Variants in CNTN5 observed in about 807,000 individuals in gnomAD.
The protein encoded by CNTN5 is contactin-5.
CNTN5 carries 77 observed loss-of-function variants against 129.1 expected under a neutral mutation model. The observed-to-expected ratio is 0.60, with a 90% CI of 0.50 to 0.72. The LOEUF (loss-of-function observed/expected upper bound fraction) is 0.72. CNTN5 is among the 30% of genes least tolerant of loss of function. The pLI is 0.00. For missense variants in CNTN5, 1,478 were observed against 1,328.8 expected (o/e 1.11, Z -1.75); for synonymous variants, 509 against 465.6 (o/e 1.09, Z -1.20).
chr11:99,654,766 TAGA>T (rs1210817948), intron 3 of CNTN5, among the ~76,000 whole-genome samples: 4 of 152,106 alleles, frequency 2.6e-5, no homozygotes, highest in Admixed American at 1.3e-4. Flanking sequence ...AAACAAATCT[TAGA>T]AGATGTATTG....
At chr11:99,230,517 A>T (rs564722519) in intron 1 of CNTN5, among the ~76,000 whole-genome samples, 1 of 152,310 alleles carries the variant, frequency 6.6e-6, no homozygotes, top group Non-Finnish European at 1.5e-5. Context: ...GAAGAGCTTT[A>T]GGAAGAAGCA....
intron 1 of CNTN5, among the ~76,000 whole-genome samples, chr11:99,083,611 C>G (rs1489206951): frequency 6.6e-6 from 1 of 151,892 alleles, no homozygotes; most frequent in Non-Finnish European, 1.5e-5. Flanking sequence ...AAAAGTATAA[C>G]TTTTATGTGG....
intron 10 of CNTN5, among the ~76,000 whole-genome samples, chr11:100,068,969 A>C (rs564754235): frequency 1.3e-5 from 2 of 152,254 alleles, no homozygotes; most frequent in Admixed American, 1.3e-4. Context: ...TTGAAGGATG[A>C]ATGTTACAGG....
At position 100,077,879 on chromosome 11, in the gene CNTN5, AC is replaced by A. The variant is rs150781395; in HGVS notation, c.1580+3586del. On this transcript the variant is annotated intron_variant, in intron 13 of 24. Coordinates refer to ENST00000524871, the MANE Select transcript of CNTN5 (RefSeq NM_014361.4). The stretch of plus-strand genomic sequence containing the variant: ...AGATCAAAAAGAAATATTTAAAAAA[AC>A]AAAATACGTCAATTGCTTTCATAGC... Among the ~76,000 whole-genome samples, 994 of 152,170 alleles carry A rather than the reference AC, an allele frequency of 6.5e-3. 15 individuals carry two copies. The highest frequency in any genetic ancestry group is 0.023 in the African/African-American group (943 of 41,494).
intron 21 of CNTN5, chr11:100,337,527 G>C: frequency 1.4e-6 from 1 of 739,958 alleles, no homozygotes; most frequent in Non-Finnish European, 2.5e-6. Flanking sequence ...ACGCATGTCT[G>C]TATCCCCAGT....
At chr11:99,873,898 C>T (rs772638393) in intron 6 of CNTN5, among the ~76,000 whole-genome samples, 1 of 152,002 alleles carries the variant, frequency 6.6e-6, no homozygotes, top group Non-Finnish European at 1.5e-5. Flanking sequence ...AGAATGATAT[C>T]ATATCCTTTG....
intron 2 of CNTN5, among the ~76,000 whole-genome samples, chr11:99,373,627 C>T (rs1010418863): frequency 1.4e-5 from 2 of 147,218 alleles, no homozygotes; most frequent in African/African-American, 2.5e-5. Flanking sequence ...GCAGGAGAAT[C>T]GCTTGAACCT....
chr11:99,961,573 A>G (rs1950948063), intron 8 of CNTN5, among the ~76,000 whole-genome samples: 1 of 152,226 alleles, frequency 6.6e-6, no homozygotes, highest in Non-Finnish European at 1.5e-5. Context: ...AGTTAGCACT[A>G]AGAAGGGATG....
At chr11:99,901,821 G>T (rs142437654) in intron 6 of CNTN5, among the ~76,000 whole-genome samples, 3 of 152,254 alleles carry the variant, frequency 2.0e-5, no homozygotes, top group African/African-American at 7.2e-5. Flanking sequence ...TGGATACAAG[G>T]ATACATATGC....
At chr11:99,930,947 T>C (rs1349069826) in intron 7 of CNTN5, among the ~76,000 whole-genome samples, 2 of 152,160 alleles carry the variant, frequency 1.3e-5, no homozygotes, top group Admixed American at 1.3e-4. Flanking sequence ...AGGAATTATT[T>C]ATTTTTATTA....
chr11:99,601,320 A>G (rs1208552342), intron 3 of CNTN5, among the ~76,000 whole-genome samples: 1 of 152,184 alleles, frequency 6.6e-6, no homozygotes, highest in Non-Finnish European at 1.5e-5. Context: ...CCACTTAGTA[A>G]ATCATCAAAC....
intron 3 of CNTN5, chr11:99,558,226 C>T (rs1463940435): frequency 8.1e-6 from 3 of 370,918 alleles, no homozygotes; most frequent in Non-Finnish European, 5.4e-6. Flanking sequence ...TACTGTCTTC[C>T]CTGCTGATCT....
chr11:100,108,208 T>C (rs1945520817), intron 13 of CNTN5, among the ~76,000 whole-genome samples: 2 of 152,030 alleles, frequency 1.3e-5, no homozygotes, highest in African/African-American at 4.8e-5. Flanking sequence ...AGTTCCAGCA[T>C]TGTGTGACAA....
intron 1 of CNTN5, among the ~76,000 whole-genome samples, chr11:99,190,124 T>G (rs1315692516): frequency 6.6e-6 from 1 of 151,758 alleles, no homozygotes; most frequent in East Asian, 1.9e-4. Flanking sequence ...GATATCCAGC[T>G]GTCCCAACAT....
intron 9 of CNTN5, among the ~76,000 whole-genome samples, chr11:100,056,215 G>A (rs1943214235): frequency 6.6e-6 from 1 of 151,514 alleles, no homozygotes; most frequent in Non-Finnish European, 1.5e-5. Flanking sequence ...TTTTATTGCT[G>A]TGAACGTTCA....
intron 3 of CNTN5, among the ~76,000 whole-genome samples, chr11:99,609,756 A>G (rs1408790317): frequency 6.6e-6 from 1 of 152,166 alleles, no homozygotes; most frequent in Non-Finnish European, 1.5e-5. Context: ...AGAAGATTAT[A>G]GTGGAAAGAA....
chr11:99,705,155 C>T (rs1954700730), intron 3 of CNTN5, among the ~76,000 whole-genome samples: 1 of 151,326 alleles, frequency 6.6e-6, no homozygotes, highest in Non-Finnish European at 1.5e-5. Flanking sequence ...TGAACACATA[C>T]ATATTCTTAT....
Position 100,021,907 on chromosome 11 carries a change from G to T in CNTN5, c.980+19771G>T, listed in dbSNP as rs527619610. Among the ~76,000 whole-genome samples the T allele has an allele frequency of 1.2e-4, 19 of 152,266 alleles. 1 individual carries two copies. The South Asian group carries it at 2.5e-3, about 20-fold the overall frequency. On this transcript the variant is annotated intron_variant, in intron 9 of 24. Coordinates refer to ENST00000524871, the MANE Select transcript of CNTN5 (RefSeq NM_014361.4). ...AAAGAACTTGGAGTCTGATGTTTGA[G>T]GGCAGGAAGCAACCAGCACAGGAGA...
chr11:99,836,590 C>T (rs919771294), intron 4 of CNTN5, among the ~76,000 whole-genome samples: 2 of 152,052 alleles, frequency 1.3e-5, no homozygotes, highest in Non-Finnish European at 2.9e-5. Flanking sequence ...GTGAATAGTG[C>T]CACAGTAAAC....
Sources: gnomAD v4.1 joint callset for allele counts (sites outside exome capture counted in the v4.1 genomes callset) on GRCh38, gnomAD v4.1.1 for gene constraint, MANE v1.5 for transcripts, NCBI Gene and HGNC (gene_info 2026-07-23, HGNC 2026-07-21) for gene names.